FAR2: variants seen among roughly 807,000 people sequenced by gnomAD.
FAR2 encodes fatty acyl-CoA reductase 2, also known as epididymis secretory protein Li 81.
Under a neutral mutation model 56.0 loss-of-function variants are expected in FAR2, and 19 were observed. The ratio of observed to expected loss-of-function variants is 0.34; its 90% CI spans 0.24 to 0.50. The LOEUF (loss-of-function observed/expected upper bound fraction) is 0.50. Ranked by LOEUF, FAR2 falls within the 20% of genes least tolerant of loss-of-function variation. The probability of loss-of-function intolerance (pLI) is 0.98; values close to 1 mark genes in which losing one functional copy is unlikely to be tolerated. For synonymous variants in FAR2, 219 were observed against 218.8 expected, an observed-to-expected ratio of 1.00 and a Z score of -0.01; for missense variants, 508 against 642.2, an observed-to-expected ratio of 0.79 and a Z score of 2.26.
chr12:29,171,375 AAGTGTCCTTGCATGAGG>A (rs2136587250), intron 1 of FAR2: 1 of 152,520 alleles, frequency 6.6e-6, no homozygotes, highest in East Asian at 1.9e-4. Flanking sequence ...ATCTTTTTTA[AAGTGTCCTTGCATGAGG>A]AGTGCCTCTG....
chr12:29,287,829 A>T (rs2136740124), intron 2 of FAR2, among the ~76,000 whole-genome samples: 1 of 152,284 alleles, frequency 6.6e-6, no homozygotes, highest in African/African-American at 2.4e-5. Flanking sequence ...TCATGTGGCT[A>T]ACTAGTTCAT....
chr12:29,198,859 T>C (rs1399038084), intron 1 of FAR2, among the ~76,000 whole-genome samples: 1 of 152,192 alleles, frequency 6.6e-6, no homozygotes, highest in East Asian at 1.9e-4. Flanking sequence ...CATTTGAAGT[T>C]CATTAATTTC....
intron 2 of FAR2, among the ~76,000 whole-genome samples, chr12:29,277,146 T>A (rs1383607502): frequency 6.6e-6 from 1 of 151,916 alleles, no homozygotes; most frequent in Non-Finnish European, 1.5e-5. Context: ...CCTGGCTAAT[T>A]TTTGTAGTTT....
intron 1 of FAR2, among the ~76,000 whole-genome samples, chr12:29,176,722 A>G (rs1565682452): frequency 1.3e-5 from 2 of 152,220 alleles, no homozygotes; most frequent in Non-Finnish European, 2.9e-5. Flanking sequence ...AAACTTGCCT[A>G]AGATCTTGAA....
Position 29,316,841 on chromosome 12 carries a change from G to C in FAR2, c.956G>C (p.Gly319Ala), listed in dbSNP as rs201966145. Reference protein sequence around the residue: ...NMNPCNWHKMGVQVLATFEKI... With the variant: ...NMNPCNWHKMAVQVLATFEKI... The stretch of plus-strand genomic sequence containing the variant: ...AGCACTTACTTTCTTTTTTCCCCAG[G>C]AGTCCAAGTCTTGGCAACCTTTGAA... The change falls in exon 9 of 12, where the codon GGA becomes GCA. Residue 319 changes from glycine to alanine, a missense_variant and splice_region_variant. Gly to Ala is a moderately conservative substitution (Grantham distance 60). Coordinates refer to ENST00000536681, the MANE Select transcript of FAR2 (RefSeq NM_001271783.2). 9.9e-5 allele frequency: 159 copies of C among 1,612,970 alleles called. No homozygotes were observed. Among genetic ancestry groups the C allele is most frequent in the Non-Finnish European group, 1.7e-5 (20 of 1,179,658 alleles).
intron 1 of FAR2, among the ~76,000 whole-genome samples, chr12:29,235,856 A>G (rs1947933265): frequency 6.6e-6 from 1 of 152,148 alleles, no homozygotes; most frequent in Non-Finnish European, 1.5e-5. Context: ...TTTTCCAATA[A>G]TTTCAGTAAA....
chr12:29,259,847 G>C (rs1431916124), intron 1 of FAR2, among the ~76,000 whole-genome samples: 3 of 151,988 alleles, frequency 2.0e-5, no homozygotes, highest in Non-Finnish European at 4.4e-5. Flanking sequence ...ACATTATATA[G>C]GATGCTTGGG....
chr12:29,219,721 C>T (rs1439413743), intron 1 of FAR2, among the ~76,000 whole-genome samples: 2 of 152,148 alleles, frequency 1.3e-5, no homozygotes, highest in East Asian at 3.8e-4. Flanking sequence ...AGTCATTCTG[C>T]CAATGCCCAT....
At chr12:29,309,664 C>T (rs78640303) in intron 6 of FAR2, 1,644 of 152,952 alleles carry the variant, frequency 0.011, 26 homozygotes, top group African/African-American at 0.038. Context: ...AAGAGATATA[C>T]ATCAATAATT....
intron 1 of FAR2, among the ~76,000 whole-genome samples, chr12:29,187,334 G>C (rs938115166): frequency 6.6e-6 from 1 of 151,732 alleles, no homozygotes; most frequent in Non-Finnish European, 1.5e-5. Flanking sequence ...CGTTTTGCTT[G>C]GAGTATTATA....
intron 1 of FAR2, among the ~76,000 whole-genome samples, chr12:29,181,391 T>C (rs1004151175): frequency 6.6e-6 from 1 of 152,222 alleles, no homozygotes; most frequent in African/African-American, 2.4e-5. Flanking sequence ...TAGGAGAACA[T>C]GTTCTATGGA....
chr12:29,286,756 G>A (rs1192932327), intron 2 of FAR2, among the ~76,000 whole-genome samples: 1 of 152,126 alleles, frequency 6.6e-6, no homozygotes, highest in Non-Finnish European at 1.5e-5. Context: ...TTTAAGAATA[G>A]CATAATATAT....
At chr12:29,265,521 TCAAAA>T (rs1452818350) in intron 1 of FAR2, among the ~76,000 whole-genome samples, 1 of 152,122 alleles carries the variant, frequency 6.6e-6, no homozygotes, top group East Asian at 1.9e-4. Context: ...TTTGCAAAAA[TCAAAA>T]CAAATTGGAT....
intron 1 of FAR2, among the ~76,000 whole-genome samples, chr12:29,166,835 T>C (rs1234296970): frequency 5.3e-5 from 8 of 152,208 alleles, no homozygotes; most frequent in Non-Finnish European, 1.0e-4. Context: ...TTTCTCCCCC[T>C]ATAGCTATGG....
chr12:29,252,215 T>C (rs11050153), intron 1 of FAR2, among the ~76,000 whole-genome samples: 65,880 of 151,940 alleles, frequency 0.43, 15,246 homozygotes, highest in African/African-American at 0.61. Flanking sequence ...CAGGAGATCC[T>C]TTAGGGTGTT....
At position 29,303,064 on chromosome 12, in the gene FAR2, T is replaced by G. The variant is rs958889997; in HGVS notation, c.546-4594T>G. 2.0e-5 allele frequency among the ~76,000 whole-genome samples: 3 copies of G among 152,236 alleles called. No individual in the cohort carries two copies. The East Asian group carries it at 5.8e-4, about 29-fold the overall frequency. Reference sequence around the variant, plus strand: ...TTTACTCCATGAAGCAATGCGTTTTTGAGAGCTAATCCTGATATATTCAAA... The same window carrying G: ...TTTACTCCATGAAGCAATGCGTTTTGGAGAGCTAATCCTGATATATTCAAA... On this transcript the variant is annotated intron_variant, in intron 4 of 11. Transcript: ENST00000536681.
At chr12:29,281,014 T>A (rs965559992) in intron 2 of FAR2, 1 of 152,236 alleles carries the variant, frequency 6.6e-6, no homozygotes, top group African/African-American at 2.4e-5. Context: ...TTCCCACACA[T>A]AGAAGACACT....
chr12:29,224,313 C>A (rs1320352098), intron 1 of FAR2, among the ~76,000 whole-genome samples: 1 of 152,180 alleles, frequency 6.6e-6, no homozygotes, highest in East Asian at 1.9e-4. Context: ...TTCAATTCTG[C>A]AGTAAGTTTC....
intron 1 of FAR2, among the ~76,000 whole-genome samples, chr12:29,241,959 T>C (rs1948044721): frequency 6.6e-6 from 1 of 152,184 alleles, no homozygotes; most frequent in South Asian, 2.1e-4. Context: ...CCTCAGCCCA[T>C]GTATTCTGTG....
Sources: allele counts gnomAD v4.1 joint callset (sites outside exome capture counted in the v4.1 genomes callset), GRCh38; gene constraint gnomAD v4.1.1; transcripts MANE v1.5; gene names NCBI Gene and HGNC (gene_info 2026-07-23, HGNC 2026-07-21).